Variants in SGPL1 observed in about 807,000 individuals in gnomAD.
SGPL1 encodes the protein SP-lyase 1.
Under a neutral mutation model 68.9 loss-of-function variants are expected in SGPL1, and 37 were observed. The ratio of observed to expected loss-of-function variants is 0.54; its 90% CI spans 0.41 to 0.71. The LOEUF is 0.71. Among genes scored for constraint, SGPL1 ranks in the 30% least tolerant of loss-of-function variants. The pLI is 0.00. For missense variants in SGPL1, 551 were observed against 704.6 expected (o/e 0.78, Z 2.47); for synonymous variants, 236 against 248.5 (o/e 0.95, Z 0.47).
chr10:70,824,793 T>G (rs1383996030), intron 2 of SGPL1, among the ~76,000 whole-genome samples: 1 of 152,102 alleles, frequency 6.6e-6, no homozygotes, highest in Non-Finnish European at 1.5e-5. Context: ...ATGCAGACAT[T>G]TTCTAAATAA....
At chr10:70,845,728 T>C (rs1845782964) in intron 3 of SGPL1, among the ~76,000 whole-genome samples, 1 of 151,874 alleles carries the variant, frequency 6.6e-6, no homozygotes, top group Non-Finnish European at 1.5e-5. Context: ...ACACAAGTAG[T>C]GGATTTGGTG....
At chr10:70,857,561 T>C (rs771186321) in intron 5 of SGPL1, 53 bp from the exon 6 acceptor site, 44 of 1,423,368 alleles carry the variant, frequency 3.1e-5, no homozygotes, top group Non-Finnish European at 4.2e-5. Context: ...TATCAGAACC[T>C]GTCTTCCCAG....
In SGPL1 at chr10:70,875,436, A is replaced by G. The variant is rs776862757; in HGVS notation, c.1333A>G (p.Asn445Asp). The change falls in exon 13 of 15, where the codon AAT (asparagine) becomes GAT (aspartate). Residue 445 changes from asparagine to aspartate, a missense_variant. By Grantham distance (23) the Asn-to-Asp change is conservative. Coordinates refer to ENST00000373202, the MANE Select transcript of SGPL1 (RefSeq NM_003901.4). ...TATCAAAGGCATCTTTGTTTTTGGG[A>G]ATCCCCAATTGTCAGTCATTGCTCT... ...ENIKGIFVFG[N>D]PQLSVIALGS... The G allele has an allele frequency of 5.0e-6, 8 of 1,611,838 alleles. No individual in the cohort carries two copies. In the South Asian group the frequency reaches 6.6e-5, roughly 13 times the overall value.
intron 2 of SGPL1, among the ~76,000 whole-genome samples, chr10:70,838,390 A>G (rs1845662492): frequency 1.3e-5 from 2 of 152,192 alleles, no homozygotes; most frequent in East Asian, 1.9e-4. Context: ...AAGTTTGCTT[A>G]TGGAATCTTT....
intron 8 of SGPL1, among the ~76,000 whole-genome samples, chr10:70,868,777 A>T (rs1846240208): frequency 6.6e-6 from 1 of 152,178 alleles, no homozygotes; most frequent in Non-Finnish European, 1.5e-5. Context: ...GCCTAAAGAA[A>T]CCTCTCTAGG....
At chr10:70,844,779 T>G in intron 3 of SGPL1, 141 bp downstream of exon 3, 1 of 783,614 alleles carries the variant, frequency 1.3e-6, no homozygotes, top group Non-Finnish European at 2.0e-6. Context: ...CTCCATCTGT[T>G]GCTAGGCTGG....
chr10:70,868,200 C>T (rs1195233142), intron 7 of SGPL1, 145 bp from the exon 8 acceptor site: 1 of 593,476 alleles, frequency 1.7e-6, no homozygotes, highest in Non-Finnish European at 2.9e-6. Context: ...GCCAAATTTT[C>T]CTTCTGGAAG....
In SGPL1 at chr10:70,878,223, C is replaced by T. The variant is rs1465162988; in HGVS notation, c.*888C>T. On this transcript the variant is annotated 3_prime_UTR_variant, in exon 15 of 15. Coordinates refer to ENST00000373202, the MANE Select transcript of SGPL1 (RefSeq NM_003901.4). ...GCACAGATCGACCAAGCTGCCGTTC[C>T]CTATTCTGCAGGACAGGACTATTCT... The T allele has an allele frequency of 2.6e-5, 4 of 152,288 alleles. No homozygotes were observed. The highest frequency in any genetic ancestry group is 5.9e-5 in the Non-Finnish European group (4 of 68,126). The allele number at this position is 152,288 out of a possible 1,614,324, so 9.4% of individuals were successfully genotyped here.
chr10:70,838,449 G>A (rs1219132071), intron 2 of SGPL1, among the ~76,000 whole-genome samples: 1 of 152,156 alleles, frequency 6.6e-6, no homozygotes, highest in Non-Finnish European at 1.5e-5. Context: ...TATCATTGGG[G>A]ATAGCTGTGG....
At chr10:70,870,103 A>G (rs1012332574) in intron 9 of SGPL1, 5 of 464,400 alleles carry the variant, frequency 1.1e-5, no homozygotes, top group Non-Finnish European at 1.9e-5. Flanking sequence ...TGATCTAGTC[A>G]CTAACTTGGG....
chr10:70,865,829 G>A (rs891813864), intron 7 of SGPL1, among the ~76,000 whole-genome samples: 9 of 152,196 alleles, frequency 5.9e-5, no homozygotes, highest in African/African-American at 2.2e-4. Context: ...CTTGGCTTGT[G>A]CTAATGTTAT....
At chr10:70,821,543 C>A (rs1412497752) in intron 2 of SGPL1, among the ~76,000 whole-genome samples, 1 of 152,056 alleles carries the variant, frequency 6.6e-6, no homozygotes, top group African/African-American at 2.4e-5. Context: ...GGCAATTTTG[C>A]CCTCTGGGTG....
intron 12 of SGPL1, among the ~76,000 whole-genome samples, chr10:70,874,075 G>A (rs1475237950): frequency 1.3e-5 from 2 of 152,200 alleles, no homozygotes; most frequent in Admixed American, 6.5e-5. Context: ...AGAATCATTG[G>A]AATAAGAAAA....
chr10:70,846,406 C>T (rs1320777564), intron 3 of SGPL1, among the ~76,000 whole-genome samples: 1 of 151,726 alleles, frequency 6.6e-6, no homozygotes, highest in Non-Finnish European at 1.5e-5. Context: ...AAATCAGTCT[C>T]TGCTTATCCT....
chr10:70,831,179 A>C (rs901344795), intron 2 of SGPL1, among the ~76,000 whole-genome samples: 1 of 152,174 alleles, frequency 6.6e-6, no homozygotes, highest in Non-Finnish European at 1.5e-5. Context: ...GATAATGCAT[A>C]ATTTTTCATT....
chr10:70,865,731 C>A (rs763900662), intron 7 of SGPL1, among the ~76,000 whole-genome samples: 1 of 152,208 alleles, frequency 6.6e-6, no homozygotes, highest in Non-Finnish European at 1.5e-5. Flanking sequence ...AACTATCTTT[C>A]CTTCTATTAA....
chr10:70,821,651 C>T (rs879393952), intron 2 of SGPL1, among the ~76,000 whole-genome samples: 3 of 152,198 alleles, frequency 2.0e-5, no homozygotes, highest in Admixed American at 1.3e-4. Context: ...AAACACCTTA[C>T]AACGCACAGT....
At chr10:70,827,948 C>T (rs1845464547) in intron 2 of SGPL1, among the ~76,000 whole-genome samples, 1 of 152,120 alleles carries the variant, frequency 6.6e-6, no homozygotes, top group African/African-American at 2.4e-5. Context: ...GAGATTCAGT[C>T]ATGTTCTTAG....
Position 70,857,664 on chromosome 10 carries a change from G to A in SGPL1, c.460G>A (p.Glu154Lys), listed in dbSNP as rs746840273. The stretch of plus-strand genomic sequence containing the variant: ...CTCTGGAACAGTGTACAGTGGGGAG[G>A]AGAAGCTCACTGAGCTCCTTGTGAA... ...RASGTVYSGE[E>K]KLTELLVKAY... is the part of the protein sequence containing the mutation. The change falls in exon 6 of 15, where the codon GAG becomes AAG. Residue 154 changes from glutamate to lysine, a missense_variant. Glu to Lys is a moderately conservative substitution (Grantham distance 56). Transcript: ENST00000373202. 62 of 1,612,626 alleles carry A rather than the reference G, an allele frequency of 3.8e-5. No homozygotes were observed. The highest frequency in any genetic ancestry group is 5.3e-5 in the Non-Finnish European group (62 of 1,179,300).
Sources: gnomAD v4.1 joint callset for allele counts (sites outside exome capture counted in the v4.1 genomes callset) on GRCh38, gnomAD v4.1.1 for gene constraint, MANE v1.5 for transcripts, NCBI Gene and HGNC (gene_info 2026-07-23, HGNC 2026-07-21) for gene names.